The following CCDC71L variants were observed in gnomAD, a reference collection of about 807,000 sequenced individuals.
The protein encoded by CCDC71L is coiled-coil domain-containing protein 71L.
In CCDC71L, 6 loss-of-function variants were observed where a neutral mutation model predicts 10.2. The observed-to-expected ratio is 0.59, with a 90% CI of 0.32 to 1.16. The LOEUF (loss-of-function observed/expected upper bound fraction) is 1.16. Among genes scored for constraint, CCDC71L ranks in the 50% most tolerant of loss-of-function variants. CCDC71L has a pLI of 0.05. For missense variants in CCDC71L, 366 were observed against 383.4 expected (o/e 0.95, Z 0.38); for synonymous variants, 204 against 175.5 (o/e 1.16, Z -1.28).
chr7:106,660,916 C>A lies in CCDC71L; in HGVS notation c.-20G>T. ...CCGCATCGAAGGCCGCTCCGGGCCACTCACGCTCGCCGGGTCCCACTACTG... is the reference window on the plus strand; with the variant it reads ...CCGCATCGAAGGCCGCTCCGGGCCAATCACGCTCGCCGGGTCCCACTACTG... On this transcript the variant is annotated 5_prime_UTR_variant, in exon 1 of 1. Transcript: ENST00000523505. This position sits in a 1 kb window ranked among gnomAD's most constrained non-coding sequence, Gnocchi z 7.5. 7.4e-7 allele frequency: 1 copy of A among 1,351,132 alleles called. No homozygotes were observed. The highest frequency in any genetic ancestry group is 9.5e-7 in the Non-Finnish European group (1 of 1,055,020). The allele number at this position is 1,351,132 out of a possible 1,614,324, so 83.7% of individuals were successfully genotyped here.
In CCDC71L at chr7:106,655,394, T is replaced by A. The variant is rs1792473969; in HGVS notation, c.*4795A>T. Among the ~76,000 whole-genome samples, 1 of 152,226 alleles carries A rather than the reference T, an allele frequency of 6.6e-6. No homozygotes were observed. The highest frequency in any genetic ancestry group is 6.5e-5 in the Admixed American group (1 of 15,284). ...TGACATCCAAAAATGAGTGTGTCAA[T>A]GCTTCAAATACAAGATTTTTTTTAC... On this transcript the variant is annotated 3_prime_UTR_variant, in exon 1 of 1. Transcript: ENST00000523505.
In CCDC71L at chr7:106,658,622, A is replaced by G. The variant is rs755483783; in HGVS notation, c.*1567T>C. On this transcript the variant is annotated 3_prime_UTR_variant, in exon 1 of 1. Transcript: ENST00000523505. ...TCATGGCAGAATACTTAAATTTGAA[A>G]TAATAGTGGTACAAAAACACTACTT... 6.6e-6 allele frequency: 1 copy of G among 152,656 alleles called. No individual in the cohort carries two copies. Among genetic ancestry groups the G allele is most frequent in the Non-Finnish European group, 1.5e-5 (1 of 68,044 alleles). 9.5% of individuals were successfully genotyped at this position (152,656 alleles called of 1,614,324 possible). A position where few individuals can be genotyped will look rare whatever the true frequency, so the allele number is the denominator to read the frequency against.
At position 106,657,736 on chromosome 7, in the gene CCDC71L, A is replaced by AT. The variant is rs1048784745; in HGVS notation, c.*2452dup. 1 of 152,248 alleles carries AT rather than the reference A, an allele frequency of 6.6e-6. No individual in the cohort carries two copies. The highest frequency in any genetic ancestry group is 2.4e-5 in the African/African-American group (1 of 41,466). 9.4% of individuals were successfully genotyped at this position (152,248 alleles called of 1,614,324 possible). Reference sequence around the variant, plus strand: ...TATTTCACAGACTAGAAATGGCATAATTTTTGAATAGTCCAGATGAATACC... The same window carrying AT: ...TATTTCACAGACTAGAAATGGCATAATTTTTTGAATAGTCCAGATGAATACC... On this transcript the variant is annotated 3_prime_UTR_variant, in exon 1 of 1. Coordinates refer to ENST00000523505, the MANE Select transcript of CCDC71L (RefSeq NM_175884.6).
In CCDC71L at chr7:106,659,850, G is replaced by A. The variant is rs1364180653; in HGVS notation, c.*339C>T. 7.4e-6 allele frequency: 2 copies of A among 269,290 alleles called. No individual in the cohort carries two copies. Among genetic ancestry groups the A allele is most frequent in the Non-Finnish European group, 1.4e-5 (2 of 143,118 alleles). The allele number at this position is 269,290 out of a possible 1,614,324, so 16.7% of individuals were successfully genotyped here. A position where few individuals can be genotyped will look rare whatever the true frequency, so the allele number is the denominator to read the frequency against. On this transcript the variant is annotated 3_prime_UTR_variant, in exon 1 of 1. Transcript: ENST00000523505. ...GGAGGACTTCCAGACCAGTGAGGTAGAGTCCAACAGTGAGAAAACGGATCT... is the reference window on the plus strand; with the variant it reads ...GGAGGACTTCCAGACCAGTGAGGTAAAGTCCAACAGTGAGAAAACGGATCT...
rs1234800454 is a variant in CCDC71L at position 106,659,407 on chromosome 7, T to A, written c.*782A>T. 3 of 152,632 alleles carry A rather than the reference T, an allele frequency of 2.0e-5. No homozygotes were observed. 9.5% of individuals were successfully genotyped at this position (152,632 alleles called of 1,614,324 possible). On this transcript the variant is annotated 3_prime_UTR_variant, in exon 1 of 1. Coordinates refer to ENST00000523505, the MANE Select transcript of CCDC71L (RefSeq NM_175884.6). ...TTCAATTCAAAAGAATTTAACAAGT[T>A]AACTTTTCCTAAACAAAAGTTTTCA...
rs890391403 is a variant in CCDC71L at position 106,661,055 on chromosome 7, C to T, written c.-159G>A. On this transcript the variant is annotated 5_prime_UTR_variant, in exon 1 of 1. Transcript: ENST00000523505. ...CCCCTCCGAGGGCGGAGGACGCGGG[C>T]GAATATCCTGCTGCCCGGTACAAGA... 4.9e-5 allele frequency: 54 copies of T among 1,095,824 alleles called. No homozygotes were observed. Among genetic ancestry groups the T allele is most frequent in the East Asian group, 2.3e-4 (7 of 29,928 alleles). 67.9% of individuals were successfully genotyped at this position (1,095,824 alleles called of 1,614,324 possible).
In CCDC71L at chr7:106,659,924, A is replaced by T. The variant is rs1584307845; in HGVS notation, c.*265T>A. On this transcript the variant is annotated 3_prime_UTR_variant, in exon 1 of 1. Coordinates refer to ENST00000523505, the MANE Select transcript of CCDC71L (RefSeq NM_175884.6). ...TCAATCGGTGGTCAGGAAGAAAGGG[A>T]CCTCCCCTGCGGGTCCAGCTGTCCC... The T allele has an allele frequency of 2.2e-6, 1 of 453,832 alleles. No individual in the cohort carries two copies. Among genetic ancestry groups the T allele is most frequent in the Admixed American group, 4.3e-5 (1 of 23,490 alleles). 28.1% of individuals were successfully genotyped at this position (453,832 alleles called of 1,614,324 possible).
In CCDC71L at chr7:106,658,032, A is replaced by T. The variant is rs551159699; in HGVS notation, c.*2157T>A. On this transcript the variant is annotated 3_prime_UTR_variant, in exon 1 of 1. Transcript: ENST00000523505. The stretch of plus-strand genomic sequence containing the variant: ...GTCGAAATTGCATTCTAATATGGCC[A>T]TTGGGTTTATTTTTCATTATTATAA... 2 of 152,214 alleles carry T rather than the reference A, an allele frequency of 1.3e-5. No homozygotes were observed. Among genetic ancestry groups the T allele is most frequent in the Non-Finnish European group, 2.9e-5 (2 of 68,024 alleles). The allele number at this position is 152,214 out of a possible 1,614,324, so 9.4% of individuals were successfully genotyped here.
rs1344769313 is a variant in CCDC71L at position 106,659,085 on chromosome 7, A to G, written c.*1104T>C. ...GCCTCCACCCCTCTTGATCATTAAT[A>G]GTTCTAAGAATTCTAATGGGTATTC... On this transcript the variant is annotated 3_prime_UTR_variant, in exon 1 of 1. Transcript: ENST00000523505. The G allele has an allele frequency of 1.3e-5, 2 of 152,214 alleles. No individual in the cohort carries two copies. The highest frequency in any genetic ancestry group is 2.9e-5 in the Non-Finnish European group (2 of 68,036). The allele number at this position is 152,214 out of a possible 1,614,324, so 9.4% of individuals were successfully genotyped here. A position where few individuals can be genotyped will look rare whatever the true frequency, so the allele number is the denominator to read the frequency against.
Position 106,660,173 on chromosome 7 carries a change from C to T in CCDC71L, c.*16G>A. ...CCAAGGTCGGGGCCGGCAGGAGGCGCCCTGGAGGCCGCACCTCATGCCCGG... is the reference window on the plus strand; with the variant it reads ...CCAAGGTCGGGGCCGGCAGGAGGCGTCCTGGAGGCCGCACCTCATGCCCGG... On this transcript the variant is annotated 3_prime_UTR_variant, in exon 1 of 1. Coordinates refer to ENST00000523505, the MANE Select transcript of CCDC71L (RefSeq NM_175884.6). This position sits in a 1 kb window ranked among gnomAD's most constrained non-coding sequence, Gnocchi z 7.5. 6.6e-7 allele frequency: 1 copy of T among 1,521,316 alleles called. No individual in the cohort carries two copies. Among genetic ancestry groups the T allele is most frequent in the African/African-American group, 1.4e-5 (1 of 69,790 alleles). 94.2% of individuals were successfully genotyped at this position (1,521,316 alleles called of 1,614,324 possible).
chr7:106,654,712 G>C lies in CCDC71L; in HGVS notation c.*5477C>G, dbSNP rs564161406. The stretch of plus-strand genomic sequence containing the variant: ...GAGGACTTCAGGGGTACTCATAACT[G>C]TATTTTTTTAATCTGAGTGCTAGTT... On this transcript the variant is annotated 3_prime_UTR_variant, in exon 1 of 1. Coordinates refer to ENST00000523505, the MANE Select transcript of CCDC71L (RefSeq NM_175884.6). 7.9e-4 allele frequency among the ~76,000 whole-genome samples: 120 copies of C among 152,132 alleles called. No homozygotes were observed. Among genetic ancestry groups the C allele is most frequent in the Middle Eastern group, 3.4e-3 (1 of 294 alleles).
At position 106,655,644 on chromosome 7, in the gene CCDC71L, C is replaced by A. The variant is rs60949841; in HGVS notation, c.*4545G>T. ...TTTAAATCTATTACTGTTATAAATT[C>A]TCAGATAGTTTAAAACACATAACAG... On this transcript the variant is annotated 3_prime_UTR_variant, in exon 1 of 1. Transcript: ENST00000523505. Among the ~76,000 whole-genome samples the A allele has an allele frequency of 1.8e-4, 27 of 152,170 alleles. No homozygotes were observed. Among genetic ancestry groups the A allele is most frequent in the African/African-American group, 5.8e-4 (24 of 41,534 alleles).
In CCDC71L at chr7:106,657,888, T is replaced by A. The variant is rs187176122; in HGVS notation, c.*2301A>T. The A allele has an allele frequency of 6.6e-6, 1 of 152,266 alleles. No individual in the cohort carries two copies. Among genetic ancestry groups the A allele is most frequent in the East Asian group, 1.9e-4 (1 of 5,180 alleles). The allele number at this position is 152,266 out of a possible 1,614,324, so 9.4% of individuals were successfully genotyped here. The stretch of plus-strand genomic sequence containing the variant: ...GCATAGGAGAGAAAAATGTCAAGAA[T>A]CTCAGTTAAAATAAATGAATGGTGT... On this transcript the variant is annotated 3_prime_UTR_variant, in exon 1 of 1. Coordinates refer to ENST00000523505, the MANE Select transcript of CCDC71L (RefSeq NM_175884.6).
chr7:106,660,538 T>C lies in CCDC71L; in HGVS notation c.359A>G (p.Gln120Arg), dbSNP rs1249226082. Residue 120 changes from glutamine to arginine, a missense_variant, in exon 1 of 1, where the codon CAG (glutamine) becomes CGG (arginine). Gln to Arg is a conservative substitution (Grantham distance 43). Transcript: ENST00000523505. The surrounding 1 kb of genome is among the most constrained non-coding windows in gnomAD (Gnocchi z 7.5). ...DPPGPPTARGQARRPVPRAAA... is the reference protein window; with the variant it reads ...DPPGPPTARGRARRPVPRAAA... ...TGCGCGCGGAACCGGCCGGCGCGCC[T>C]GGCCGCGGGCTGTAGGGGGCCCCGG... The C allele has an allele frequency of 2.3e-5, 34 of 1,459,964 alleles. No homozygotes were observed. Among genetic ancestry groups the C allele is most frequent in the Non-Finnish European group, 3.0e-5 (33 of 1,101,952 alleles). The allele number at this position is 1,459,964 out of a possible 1,614,324, so 90.4% of individuals were successfully genotyped here. A position where few individuals can be genotyped will look rare whatever the true frequency, so the allele number is the denominator to read the frequency against.
In CCDC71L at chr7:106,656,225, G is replaced by A. The variant is rs1792487701; in HGVS notation, c.*3964C>T. On this transcript the variant is annotated 3_prime_UTR_variant, in exon 1 of 1. Coordinates refer to ENST00000523505, the MANE Select transcript of CCDC71L (RefSeq NM_175884.6). ...ACACTACGCTTCCTCCAACTAATAG[G>A]AACTTAGGTACAAAGACAAATTCAG... Among the ~76,000 whole-genome samples the A allele has an allele frequency of 6.6e-6, 1 of 152,094 alleles. No homozygotes were observed. Among genetic ancestry groups the A allele is most frequent in the Admixed American group, 6.6e-5 (1 of 15,258 alleles).
In CCDC71L at chr7:106,660,451, G is replaced by A. The variant is rs1359794177; in HGVS notation, c.446C>T (p.Pro149Leu). ...AAAARRRKPR[P>L]PPPPPPPPEE... ...GGGGGGCGGCGGCGGTGGGGGTGGC[G>A]GCCGGGGCTTCCTCCTGCGGGCAGC... Residue 149 changes from proline to leucine, a missense_variant, in exon 1 of 1, where the codon CCG (proline) becomes CTG (leucine). By Grantham distance (98) the Pro-to-Leu change is moderately conservative. Transcript: ENST00000523505. The surrounding 1 kb of genome is among the most constrained non-coding windows in gnomAD (Gnocchi z 7.5). 1 of 1,228,416 alleles carries A rather than the reference G, an allele frequency of 8.1e-7. No homozygotes were observed. Among genetic ancestry groups the A allele is most frequent in the Non-Finnish European group, 1.0e-6 (1 of 986,598 alleles). 76.1% of individuals were successfully genotyped at this position (1,228,416 alleles called of 1,614,324 possible).
rs1305664170 is a variant in CCDC71L at position 106,656,131 on chromosome 7, C to A, written c.*4058G>T. On this transcript the variant is annotated 3_prime_UTR_variant, in exon 1 of 1. Coordinates refer to ENST00000523505, the MANE Select transcript of CCDC71L (RefSeq NM_175884.6). ...AGATTTTAAGTAACTTACCTACAGT[C>A]TCAACACTTGCAAGTCACAAAGGTA... 6.6e-6 allele frequency among the ~76,000 whole-genome samples: 1 copy of A among 152,192 alleles called. No homozygotes were observed. Among genetic ancestry groups the A allele is most frequent in the Non-Finnish European group, 1.5e-5 (1 of 68,020 alleles).
chr7:106,660,335 G>C lies in CCDC71L; in HGVS notation c.562C>G (p.Leu188Val), dbSNP rs1792568487. 6.7e-7 allele frequency: 1 copy of C among 1,488,044 alleles called. No individual in the cohort carries two copies. Among genetic ancestry groups the C allele is most frequent in the Non-Finnish European group, 8.9e-7 (1 of 1,128,152 alleles). 92.2% of individuals were successfully genotyped at this position (1,488,044 alleles called of 1,614,324 possible). The change falls in exon 1 of 1, where the codon CTG becomes GTG. Residue 188 changes from leucine (L) to valine (V), a missense_variant. Physicochemically the swap from Leu to Val is conservative, Grantham distance 32 (BLOSUM62 1). Coordinates refer to ENST00000523505, the MANE Select transcript of CCDC71L (RefSeq NM_175884.6). This position sits in a 1 kb window ranked among gnomAD's most constrained non-coding sequence, Gnocchi z 7.5. Reference protein sequence around the residue: ...EEIWRAATPTLTTFPTIRVGS... With the variant: ...EEIWRAATPTVTTFPTIRVGS... ...ACGCGGATGGTGGGGAAGGTGGTCA[G>C]CGTCGGGGTGGCCGCCCTCCAGATC...
In CCDC71L at chr7:106,654,462, G is replaced by C. The variant is rs1241075097; in HGVS notation, c.*5727C>G. Among the ~76,000 whole-genome samples, 1 of 151,544 alleles carries C rather than the reference G, an allele frequency of 6.6e-6. No individual in the cohort carries two copies. The highest frequency in any genetic ancestry group is 2.4e-5 in the African/African-American group (1 of 41,226). On this transcript the variant is annotated 3_prime_UTR_variant, in exon 1 of 1. Coordinates refer to ENST00000523505, the MANE Select transcript of CCDC71L (RefSeq NM_175884.6). ...AAATATATTGTGGAATATTCACACAGTGGAATTCTATACACCAATGAGAAT... is the reference window on the plus strand; with the variant it reads ...AAATATATTGTGGAATATTCACACACTGGAATTCTATACACCAATGAGAAT...
Sources: gnomAD v4.1 joint callset for allele counts (sites outside exome capture counted in the v4.1 genomes callset) on GRCh38, gnomAD v4.1.1 for gene constraint, Gnocchi (gnomAD v3.1) non-coding constraint, MANE v1.5 for transcripts, NCBI Gene and HGNC (gene_info 2026-07-23, HGNC 2026-07-21) for gene names.